The following PTPN4 variants were observed in gnomAD, a reference collection of about 807,000 sequenced individuals.
PTPN4 encodes tyrosine-protein phosphatase non-receptor type 4.
In PTPN4, 49 loss-of-function variants were observed where a neutral mutation model predicts 135.5. The ratio of observed to expected loss-of-function variants is 0.36; its 90% CI spans 0.29 to 0.46. The LOEUF (loss-of-function observed/expected upper bound fraction) is 0.46. Ranked by LOEUF, PTPN4 falls within the 20% of genes least tolerant of loss-of-function variation. The pLI, the probability that PTPN4 is intolerant of heterozygous loss-of-function variation, is 1.00. For synonymous variants in PTPN4, 333 were observed against 369.9 expected, an observed-to-expected ratio of 0.90 and a Z score of 1.14; for missense variants, 860 against 1,101.0, an observed-to-expected ratio of 0.78 and a Z score of 3.10.
chr2:119,797,103 C>T (rs1441652141), intron 1 of PTPN4, among the ~76,000 whole-genome samples: 1 of 151,920 alleles, frequency 6.6e-6, no homozygotes, highest in Non-Finnish European at 1.5e-5. Context: ...ATTTTGGATA[C>T]AAGTCCTATG....
chr2:119,874,183 T>C (rs1395656283), intron 3 of PTPN4, among the ~76,000 whole-genome samples: 4 of 152,142 alleles, frequency 2.6e-5, no homozygotes, highest in Non-Finnish European at 4.4e-5. Context: ...AAAGATAGTG[T>C]TGATGAGGAA....
chr2:119,957,610 G>A (rs1679307712), intron 22 of PTPN4, among the ~76,000 whole-genome samples: 1 of 150,384 alleles, frequency 6.6e-6, no homozygotes, highest in Non-Finnish European at 1.5e-5. Context: ...ATTGTAAAGA[G>A]GCATTTTTTT....
At chr2:119,776,909 G>A (rs555788881) in intron 1 of PTPN4, among the ~76,000 whole-genome samples, 34 of 152,346 alleles carry the variant, frequency 2.2e-4, no homozygotes, top group African/African-American at 6.7e-4. Context: ...AAATTAGACA[G>A]TGCAGGGGTC....
At position 119,882,564 on chromosome 2, in the gene PTPN4, C is replaced by A; in HGVS notation, c.528C>A (p.Phe176Leu). 1 of 1,557,022 alleles carries A rather than the reference C, an allele frequency of 6.4e-7. No individual in the cohort carries two copies. Among genetic ancestry groups the A allele is most frequent in the Non-Finnish European group, 8.8e-7 (1 of 1,140,540 alleles). The change falls in exon 8 of 27, where the codon TTC becomes TTA. Residue 176 changes from phenylalanine to leucine, a missense_variant. Phe to Leu is a conservative substitution (Grantham distance 22). Coordinates refer to ENST00000263708, the MANE Select transcript of PTPN4 (RefSeq NM_002830.4). The part of the protein sequence containing the change: ...NLSGYLSDYS[F>L]IPNQPQDFEK... ...CAGGCTACCTCTCAGATTATTCTTT[C>A]ATTCCTAATCAACCTCAAGATTTTG...
intron 6 of PTPN4, 122 bp from the exon 7 acceptor site, chr2:119,881,975 T>G (rs551388846): frequency 8.9e-7 from 1 of 1,129,808 alleles, no homozygotes; most frequent in East Asian, 2.4e-5. Context: ...CAGATAAGTT[T>G]ATTTCTTAAC....
chr2:119,954,831 C>T (rs78019515), intron 19 of PTPN4, among the ~76,000 whole-genome samples: 6,079 of 152,286 alleles, frequency 0.04, 177 homozygotes, highest in Non-Finnish European at 0.061. Flanking sequence ...TATTTGTACT[C>T]TTGCCCTAGG....
At chr2:119,916,845 C>T (rs752542994) in intron 11 of PTPN4, among the ~76,000 whole-genome samples, 24 of 152,148 alleles carry the variant, frequency 1.6e-4, no homozygotes, top group Admixed American at 3.3e-4. Flanking sequence ...AACATTAGTT[C>T]GTTCCATTTA....
At chr2:119,878,532 G>A (rs1678018656) in intron 5 of PTPN4, among the ~76,000 whole-genome samples, 1 of 152,108 alleles carries the variant, frequency 6.6e-6, no homozygotes, top group African/African-American at 2.4e-5. Context: ...CTGTCTTGGA[G>A]TAGAGAAACA....
intron 19 of PTPN4, among the ~76,000 whole-genome samples, chr2:119,952,848 C>T (rs561780327): frequency 1.3e-5 from 2 of 152,282 alleles, no homozygotes; most frequent in Admixed American, 1.3e-4. Context: ...AACATTCTAC[C>T]AATATAGATA....
intron 2 of PTPN4, among the ~76,000 whole-genome samples, chr2:119,822,307 CTG>C (rs1192842128): frequency 4.0e-5 from 6 of 151,560 alleles, no homozygotes; most frequent in African/African-American, 1.5e-4. Context: ...TTTAGCTCTG[CTG>C]TCTCTTCCAC....
chr2:119,778,476 A>C (rs1479631126), intron 1 of PTPN4, among the ~76,000 whole-genome samples: 1 of 152,206 alleles, frequency 6.6e-6, no homozygotes, highest in Admixed American at 6.5e-5. Context: ...CACTGTGTCT[A>C]GCAACTAGGA....
chr2:119,907,721 T>C (rs1018023052), intron 10 of PTPN4, among the ~76,000 whole-genome samples: 2 of 152,128 alleles, frequency 1.3e-5, no homozygotes, highest in Non-Finnish European at 2.9e-5. Flanking sequence ...AGCTACAGTA[T>C]TCACAACAGC....
In PTPN4 at chr2:119,817,820, T is replaced by C. The variant is rs557867239; in HGVS notation, c.138+7829T>C. 1.7e-4 allele frequency among the ~76,000 whole-genome samples: 26 copies of C among 152,330 alleles called. No individual in the cohort carries two copies. In the East Asian group the frequency reaches 4.4e-3, roughly 26 times the overall value. On this transcript the variant is annotated intron_variant, in intron 2 of 26. Transcript: ENST00000263708. The stretch of plus-strand genomic sequence containing the variant: ...GAGCATGGAATGTTTTTCCATTTGT[T>C]AGTGTCCTCTATGATGTCTTTGAGC...
intron 7 of PTPN4, 137 bp downstream of exon 7, chr2:119,882,286 C>A: frequency 9.4e-7 from 1 of 1,059,646 alleles, no homozygotes; most frequent in Non-Finnish European, 1.4e-6. Context: ...GTAATGAAAT[C>A]TCCAGTTAGT....
At chr2:119,800,822 T>A (rs1691347968) in intron 1 of PTPN4, among the ~76,000 whole-genome samples, 1 of 152,200 alleles carries the variant, frequency 6.6e-6, no homozygotes, top group South Asian at 2.1e-4. Flanking sequence ...GAAAAGGCCA[T>A]CCTTTCTCTG....
chr2:119,863,398 A>AT (rs1482443711), intron 3 of PTPN4, among the ~76,000 whole-genome samples: 1 of 152,064 alleles, frequency 6.6e-6, no homozygotes, highest in Non-Finnish European at 1.5e-5. Context: ...TATTCTTTTG[A>AT]TTAGTGTAAG....
Position 119,931,737 on chromosome 2 carries a change from T to A in PTPN4, c.1071-687T>A, listed in dbSNP as rs576731234. ...TTGCAGCACTGAGCCACCTCGCGCA[T>A]CCAAGATCTTTTTTTAAAACATCAC... On this transcript the variant is annotated intron_variant, in intron 13 of 26. Coordinates refer to ENST00000263708, the MANE Select transcript of PTPN4 (RefSeq NM_002830.4). Among the ~76,000 whole-genome samples, 144 of 152,158 alleles carry A rather than the reference T, an allele frequency of 9.5e-4. 1 individual carries two copies. Among genetic ancestry groups the A allele is most frequent in the Non-Finnish European group, 1.4e-3 (94 of 67,986 alleles).
chr2:119,876,768 G>A (rs1302633208), intron 3 of PTPN4, among the ~76,000 whole-genome samples: 1 of 151,756 alleles, frequency 6.6e-6, no homozygotes, highest in Non-Finnish European at 1.5e-5. Flanking sequence ...TTTAAAAATT[G>A]GTGGGTTTTT....
chr2:119,947,821 A>C (rs1274414158), intron 18 of PTPN4, among the ~76,000 whole-genome samples: 1 of 151,370 alleles, frequency 6.6e-6, no homozygotes, highest in Non-Finnish European at 1.5e-5. Context: ...GTCTCCACTA[A>C]ATAGAAATTG....
Sources: allele counts gnomAD v4.1 joint callset (sites outside exome capture counted in the v4.1 genomes callset), GRCh38; gene constraint gnomAD v4.1.1; transcripts MANE v1.5; gene names NCBI Gene and HGNC (gene_info 2026-07-23, HGNC 2026-07-21).